PDE10A: variants seen among roughly 807,000 people sequenced by gnomAD.
The protein encoded by PDE10A is phosphodiesterase 10A.
Under a neutral mutation model 97.7 loss-of-function variants are expected in PDE10A, and 39 were observed. The ratio of observed to expected loss-of-function variants is 0.40; its 90% CI spans 0.31 to 0.52. The LOEUF (loss-of-function observed/expected upper bound fraction) is 0.52, where lower values mean the gene tolerates loss of function less well. PDE10A is among the 20% of genes least tolerant of loss of function. The pLI, the probability that PDE10A is intolerant of heterozygous loss-of-function variation, is 0.56. For synonymous variants in PDE10A, 371 were observed against 376.8 expected, an observed-to-expected ratio of 0.98 and a Z score of 0.18; for missense variants, 731 against 1,047.8, an observed-to-expected ratio of 0.70 and a Z score of 4.17.
rs1297065634 is a variant in PDE10A, at chr6:165,905,825, C to T, written c.-615+81704G>A. 2.0e-5 allele frequency among the ~76,000 whole-genome samples: 3 copies of T among 151,960 alleles called. No homozygotes were observed. In the East Asian group the frequency reaches 5.8e-4, roughly 29 times the overall value. On this transcript the variant is annotated intron_variant, in intron 1 of 19. Coordinates refer to the PDE10A transcript ENST00000366882. ...ACAGCACATGGGGTTTCCCAGATGT[C>T]AGGTTTAAAAACAAAGCAGTAATAA... is the stretch of plus-strand genomic sequence containing the variant.
chr6:165,919,975 C>T (rs766292372), intron 1 of PDE10A, among the ~76,000 whole-genome samples: 4 of 152,114 alleles, frequency 2.6e-5, no homozygotes, highest in Non-Finnish European at 5.9e-5. Context: ...TGGCTTATGC[C>T]ATTTCATATT....
intron 6 of PDE10A, 92 bp downstream of exon 6, chr6:165,435,145 C>A: frequency 8.8e-7 from 1 of 1,138,286 alleles, no homozygotes. Flanking sequence ...TAAAATGAAA[C>A]TATTTAAATT....
At chr6:165,578,390 AAAT>A (rs1161842376) in intron 1 of PDE10A, among the ~76,000 whole-genome samples, 1 of 152,144 alleles carries the variant, frequency 6.6e-6, no homozygotes, top group East Asian at 1.9e-4. Context: ...TCCCTTTTGT[AAAT>A]GCTACAATGC....
chr6:165,601,304 T>C (rs1583624072), intron 1 of PDE10A, among the ~76,000 whole-genome samples: 1 of 152,362 alleles, frequency 6.6e-6, no homozygotes, highest in East Asian at 1.9e-4. Context: ...TATGTCTTTA[T>C]CAGCAGTGTG....
chr6:165,768,909 G>A (rs1473714635), intron 1 of PDE10A, among the ~76,000 whole-genome samples: 6 of 152,040 alleles, frequency 3.9e-5, no homozygotes, highest in Non-Finnish European at 7.4e-5. Flanking sequence ...CCAGAGCATC[G>A]AGCGCCGCAA....
intron 17 of PDE10A, among the ~76,000 whole-genome samples, chr6:165,383,126 C>T (rs1785040516): frequency 6.6e-6 from 1 of 151,998 alleles, no homozygotes; most frequent in African/African-American, 2.4e-5. Flanking sequence ...AATATGATCA[C>T]ATTTCAAAAG....
chr6:165,962,501 C>A (rs1197574184), intron 1 of PDE10A, among the ~76,000 whole-genome samples: 3 of 152,232 alleles, frequency 2.0e-5, no homozygotes, highest in Non-Finnish European at 4.4e-5. Context: ...CACATTCTGA[C>A]AAAGTCATGG....
At chr6:165,925,149 A>G (rs753517076) in intron 1 of PDE10A, among the ~76,000 whole-genome samples, 2 of 152,254 alleles carry the variant, frequency 1.3e-5, no homozygotes, top group African/African-American at 2.4e-5. Flanking sequence ...GAAGAATTTT[A>G]ACACCATCTG....
Position 165,841,056 on chromosome 6 carries a change from C to G in PDE10A, c.-615+146473G>C, listed in dbSNP as rs143362940. ...TTTTATTCACCTTTGTTGACAAGCTCTCAGCATGGTACTTTGTCCATAATA... is the reference window on the plus strand; with the variant it reads ...TTTTATTCACCTTTGTTGACAAGCTGTCAGCATGGTACTTTGTCCATAATA... On this transcript the variant is annotated intron_variant, in intron 1 of 19. Coordinates refer to the PDE10A transcript ENST00000366882. Among the ~76,000 whole-genome samples, 443 of 152,310 alleles carry G rather than the reference C, an allele frequency of 2.9e-3. 1 individual carries two copies. Among genetic ancestry groups the G allele is most frequent in the Non-Finnish European group, 4.9e-3 (332 of 68,022 alleles).
intron 1 of PDE10A, among the ~76,000 whole-genome samples, chr6:165,938,649 C>T (rs900981529): frequency 1.3e-5 from 2 of 152,156 alleles, no homozygotes; most frequent in Admixed American, 6.5e-5. Flanking sequence ...TTCTAAAACA[C>T]GGGGCCCTGG....
intron 1 of PDE10A, among the ~76,000 whole-genome samples, chr6:165,825,253 A>G (rs1779701655): frequency 6.6e-6 from 1 of 152,036 alleles, no homozygotes; most frequent in African/African-American, 2.4e-5. Context: ...CCTTGCTCAA[A>G]TTTCCTCACA....
intron 1 of PDE10A, among the ~76,000 whole-genome samples, chr6:165,895,372 GA>G (rs1346146942): frequency 6.6e-6 from 1 of 152,148 alleles, no homozygotes; most frequent in East Asian, 1.9e-4. Flanking sequence ...CGTGGGCAGA[GA>G]AACCTCAAGC....
chr6:165,360,390 G>C (rs1029142326), intron 18 of PDE10A, among the ~76,000 whole-genome samples: 2 of 152,156 alleles, frequency 1.3e-5, no homozygotes, highest in Middle Eastern at 3.2e-3. Flanking sequence ...CTCTGCTTTC[G>C]TTCCACTGCC....
intron 1 of PDE10A, among the ~76,000 whole-genome samples, chr6:165,668,961 T>C (rs1351129449): frequency 2.0e-5 from 3 of 152,188 alleles, no homozygotes; most frequent in Non-Finnish European, 2.9e-5. Context: ...GAAAGTTTGA[T>C]GCAGGGATCA....
intron 1 of PDE10A, among the ~76,000 whole-genome samples, chr6:165,855,314 G>T (rs982180214): frequency 1.3e-4 from 20 of 151,194 alleles, no homozygotes; most frequent in Admixed American, 7.9e-4. Flanking sequence ...GCGGGGGGGG[G>T]GGGGGACTCA....
intron 1 of PDE10A, among the ~76,000 whole-genome samples, chr6:165,549,588 T>C (rs1783911958): frequency 6.6e-6 from 1 of 152,204 alleles, no homozygotes; most frequent in Non-Finnish European, 1.5e-5. Context: ...CCTCCCGAAG[T>C]GCTGGGATCA....
At chr6:165,613,956 A>G (rs2983497) in intron 1 of PDE10A, among the ~76,000 whole-genome samples, 31,383 of 151,996 alleles carry the variant, frequency 0.21, 5,146 homozygotes, top group African/African-American at 0.46. Context: ...GCTGACAGTC[A>G]CGCATCATTC....
intron 1 of PDE10A, among the ~76,000 whole-genome samples, chr6:165,724,365 G>A (rs1456627323): frequency 6.6e-6 from 1 of 152,210 alleles, no homozygotes; most frequent in Non-Finnish European, 1.5e-5. Flanking sequence ...GTGAACGCGT[G>A]TTGAGAAAAT....
At chr6:165,363,500 AGTGAGACTCTGTCTC>A (rs1783557306) in intron 18 of PDE10A, among the ~76,000 whole-genome samples, 1 of 152,020 alleles carries the variant, frequency 6.6e-6, no homozygotes, top group Non-Finnish European at 1.5e-5. Context: ...TGGGCGACTG[AGTGAGACTCTGTCTC>A]AAAAAAGAAA....
Sources: allele counts gnomAD v4.1 joint callset (sites outside exome capture counted in the v4.1 genomes callset), GRCh38; gene constraint gnomAD v4.1.1; transcripts MANE v1.5; gene names NCBI Gene and HGNC (gene_info 2026-07-23, HGNC 2026-07-21).